Variants in SCN8A observed in about 807,000 individuals in gnomAD.
The protein encoded by SCN8A is sodium voltage-gated channel alpha subunit 8, also known as sodium channel protein type 8 subunit alpha.
A neutral mutation model predicts 184.1 loss-of-function variants in SCN8A; 30 were observed. The observed-to-expected ratio is 0.16, with a 90% CI of 0.12 to 0.22. SCN8A has a LOEUF of 0.22. Among genes scored for constraint, SCN8A ranks in the 10% least tolerant of loss-of-function variants. The pLI, the probability that SCN8A is intolerant of heterozygous loss-of-function variation, is 1.00. For missense variants in SCN8A, 1,057 were observed against 2,498.9 expected, an observed-to-expected ratio of 0.42 and a Z score of 12.30; for synonymous variants, 852 against 907.0, an observed-to-expected ratio of 0.94 and a Z score of 1.09.
At chr12:51,691,140 C>T (rs1188529537) in intron 6 of SCN8A, among the ~76,000 whole-genome samples, 2 of 152,082 alleles carry the variant, frequency 1.3e-5, no homozygotes, top group Admixed American at 6.5e-5. Context: ...CTCCTCTGGC[C>T]CCTTTTAAAT....
In SCN8A at chr12:51,797,400, T is replaced by G. The variant is rs1040333088; in HGVS notation, c.4795+2759T>G. Among the ~76,000 whole-genome samples, 5 of 81,256 alleles carry G rather than the reference T, an allele frequency of 6.2e-5. No homozygotes were observed. The East Asian group carries it at 8.7e-4, about 14-fold the overall frequency. The allele number at this position is 81,256 out of a possible 152,430, so 53.3% of individuals were successfully genotyped here. A position where few individuals can be genotyped will look rare whatever the true frequency, so the allele number is the denominator to read the frequency against. Reference sequence around the variant, plus strand: ...AGTGTATACATGCACAAACATGTTCTTAACAAAATGAGGAAATACTCATGA... The same window carrying G: ...AGTGTATACATGCACAAACATGTTCGTAACAAAATGAGGAAATACTCATGA... On this transcript the variant is annotated intron_variant, in intron 26 of 26. Coordinates refer to ENST00000627620, the MANE Select transcript of SCN8A (RefSeq NM_001330260.2).
At chr12:51,645,988 A>G (rs1940580526) in intron 1 of SCN8A, among the ~76,000 whole-genome samples, 1 of 123,226 alleles carries the variant, frequency 8.1e-6, no homozygotes, top group Non-Finnish European at 1.6e-5. Context: ...AAAATTAAAT[A>G]AAAATAAAAT....
At chr12:51,704,930 G>A (rs1055982054) in intron 9 of SCN8A, among the ~76,000 whole-genome samples, 1 of 151,772 alleles carries the variant, frequency 6.6e-6, no homozygotes, top group African/African-American at 2.4e-5. Context: ...AGCCAAGATC[G>A]TGCCATCACA....
rs372338208 is a variant in SCN8A at position 51,697,909 on chromosome 12, C to T, written c.707-1661C>T. Among the ~76,000 whole-genome samples, 18 of 152,232 alleles carry T rather than the reference C, an allele frequency of 1.2e-4. No homozygotes were observed. In the South Asian group the frequency reaches 1.7e-3, roughly 14 times the overall value. On this transcript the variant is annotated intron_variant, in intron 6 of 26. Coordinates refer to ENST00000627620, the MANE Select transcript of SCN8A (RefSeq NM_001330260.2). ...TGTTGACCAGGCTGGAGTGCAGTGG[C>T]GCAATCTTGGCTCACTGGAACCTCC...
chr12:51,722,118 CT>C lies in SCN8A; in HGVS notation c.1998+211del, dbSNP rs985520669. On this transcript the variant is annotated intron_variant, in intron 12 of 26. Transcript: ENST00000627620. ...TCTATTTCTCTCTTCAGTTTTCCCC[CT>C]ATTACTCACCCTGTCTTCTCCTTTC... 1.4e-4 allele frequency: 98 copies of C among 709,456 alleles called. No individual in the cohort carries two copies. In the African/African-American group the frequency reaches 1.5e-3, roughly 11 times the overall value. The allele number at this position is 709,456 out of a possible 1,614,324, so 43.9% of individuals were successfully genotyped here.
intron 1 of SCN8A, among the ~76,000 whole-genome samples, chr12:51,648,395 A>G (rs1003632313): frequency 2.6e-5 from 4 of 152,152 alleles, no homozygotes; most frequent in African/African-American, 9.7e-5. Flanking sequence ...AGTCTCCTAG[A>G]GTGGGTAGTC....
At chr12:51,691,531 T>TA (rs1296888971) in intron 6 of SCN8A, among the ~76,000 whole-genome samples, 5 of 152,044 alleles carry the variant, frequency 3.3e-5, no homozygotes, top group Non-Finnish European at 5.9e-5. Context: ...TAGCAGCACT[T>TA]ATGATTATAA....
chr12:51,631,757 G>A (rs1404965187), intron 1 of SCN8A, among the ~76,000 whole-genome samples: 3 of 152,192 alleles, frequency 2.0e-5, no homozygotes, highest in Non-Finnish European at 4.4e-5. Context: ...TTCTGGGCCT[G>A]ACTCACAGGA....
At position 51,721,901 on chromosome 12, in the gene SCN8A, T is replaced by A; in HGVS notation, c.1991T>A (p.Leu664Gln). 3 of 1,600,196 alleles carry A rather than the reference T, an allele frequency of 1.9e-6. No homozygotes were observed. Among genetic ancestry groups the A allele is most frequent in the Non-Finnish European group, 2.5e-6 (3 of 1,179,794 alleles). The change falls in exon 12 of 27, where the codon CTG becomes CAG. Residue 664 changes from leucine to glutamine, a missense_variant. Transcript: ENST00000627620. ...GGCTCCCACATCGGCGGGCGTCTCC[T>A]GCCAGAGGTGAAAATTGATAAGGCA... ...GPGSHIGGRL[L>Q]PEATTEVEIK...
Position 51,706,467 on chromosome 12 carries a change from A to G in SCN8A, c.1387A>G (p.Ile463Val). ...AGCAGGAACTGTCTCAGAAGATGCC[A>G]TAGAGGAAGAAGGTGAAGAAGGAGG... The part of the protein sequence containing the change: ...TSAGTVSEDA[I>V]EEEGEEGGGS... The change falls in exon 11 of 27, where the codon ATA (isoleucine) becomes GTA (valine). Residue 463 changes from isoleucine to valine, a missense_variant. Ile to Val is a conservative substitution (Grantham distance 29). Transcript: ENST00000627620. The G allele has an allele frequency of 4.4e-6, 7 of 1,604,948 alleles. No homozygotes were observed. The highest frequency in any genetic ancestry group is 6.0e-6 in the Non-Finnish European group (7 of 1,175,950).
At chr12:51,618,716 T>C (rs1270776616) in intron 1 of SCN8A, among the ~76,000 whole-genome samples, 2 of 151,986 alleles carry the variant, frequency 1.3e-5, no homozygotes, top group African/African-American at 4.8e-5. Flanking sequence ...CTTTGGTTAT[T>C]TGAGAGAGGA....
intron 20 of SCN8A, among the ~76,000 whole-genome samples, chr12:51,779,978 G>A (rs1214543185): frequency 6.3e-5 from 5 of 78,784 alleles, no homozygotes; most frequent in South Asian, 3.5e-4. Context: ...TCACTTAAGC[G>A]AGTTCTCATG....
At chr12:51,621,629 G>C (rs1370000815) in intron 1 of SCN8A, among the ~76,000 whole-genome samples, 1 of 152,188 alleles carries the variant, frequency 6.6e-6, no homozygotes, top group Non-Finnish European at 1.5e-5. Context: ...TCTGGATGTG[G>C]AGAGACTAGG....
At position 51,764,762 on chromosome 12, in the gene SCN8A, G is replaced by T. The variant is rs193029884; in HGVS notation, c.2545-909G>T. Among the ~76,000 whole-genome samples the T allele has an allele frequency of 5.3e-5, 8 of 151,328 alleles. No individual in the cohort carries two copies. The East Asian group carries it at 1.4e-3, about 26-fold the overall frequency. On this transcript the variant is annotated intron_variant, in intron 15 of 26. Coordinates refer to ENST00000627620, the MANE Select transcript of SCN8A (RefSeq NM_001330260.2). Reference sequence around the variant, plus strand: ...TAAAAGTTCTGTCCTCTGAATAACAGTATAGGCTCTTTTCTTTTTTTTTTT... The same window carrying T: ...TAAAAGTTCTGTCCTCTGAATAACATTATAGGCTCTTTTCTTTTTTTTTTT...
At chr12:51,712,928 C>T (rs570724732) in intron 11 of SCN8A, 74 of 1,591,450 alleles carry the variant, frequency 4.6e-5, no homozygotes, top group Middle Eastern at 1.7e-4. Flanking sequence ...AAGCTTCCTC[C>T]GCAACCCATA....
chr12:51,649,586 G>A (rs1181423586), intron 1 of SCN8A, among the ~76,000 whole-genome samples: 1 of 152,186 alleles, frequency 6.6e-6, no homozygotes, highest in Non-Finnish European at 1.5e-5. Flanking sequence ...GCCAAGTCTT[G>A]GAGCTTGCAC....
chr12:51,607,378 A>G (rs907004276), intron 1 of SCN8A, among the ~76,000 whole-genome samples: 1 of 152,196 alleles, frequency 6.6e-6, no homozygotes, highest in Non-Finnish European at 1.5e-5. Context: ...GCAAATAGTG[A>G]CAGTTTCACT....
intron 12 of SCN8A, among the ~76,000 whole-genome samples, chr12:51,743,452 A>G (rs1003342257): frequency 4.6e-5 from 7 of 152,184 alleles, no homozygotes; most frequent in African/African-American, 1.4e-4. Flanking sequence ...GTGGTCTTGG[A>G]TAATAAAGAT....
chr12:51,770,470 G>A (rs1370836431), intron 18 of SCN8A, 59 bp from the exon 19 acceptor site: 3 of 1,494,894 alleles, frequency 2.0e-6, no homozygotes, highest in South Asian at 1.3e-5. Flanking sequence ...ATGGAGGAGA[G>A]GGCAGGTCTG....
Sources: gnomAD v4.1 joint callset for allele counts (sites outside exome capture counted in the v4.1 genomes callset) on GRCh38, gnomAD v4.1.1 for gene constraint, MANE v1.5 for transcripts, NCBI Gene and HGNC (gene_info 2026-07-23, HGNC 2026-07-21) for gene names.